RHEB: variants seen among roughly 807,000 people sequenced by gnomAD.
RHEB encodes Ras homolog, mTORC1 binding.
In RHEB, 2 loss-of-function variants were observed where a neutral mutation model predicts 28.8. The ratio of observed to expected loss-of-function variants is 0.07; its 90% CI spans 0.03 to 0.22. The LOEUF (loss-of-function observed/expected upper bound fraction) is 0.22. Ranked by LOEUF, RHEB falls within the 10% of genes least tolerant of loss-of-function variation. The pLI, the probability that RHEB is intolerant of heterozygous loss-of-function variation, is 1.00. For synonymous variants in RHEB, 69 were observed against 77.3 expected (o/e 0.89, Z 0.56); for missense variants, 76 against 219.9 (o/e 0.35, Z 4.14).
In RHEB at chr7:151,472,583, G is replaced by T. The variant is rs1282017500; in HGVS notation, c.276-978C>A. ...TACACCTCTTCTGTTTACCCTAAAT[G>T]ACAAATTTCCTTTCCATTTCTTACC... On this transcript the variant is annotated intron_variant, in intron 4 of 7. Transcript: ENST00000262187. This position sits in a 1 kb window ranked among gnomAD's most constrained non-coding sequence, Gnocchi z 5.2. Among the ~76,000 whole-genome samples, 1 of 152,154 alleles carries T rather than the reference G, an allele frequency of 6.6e-6. No homozygotes were observed. The highest frequency in any genetic ancestry group is 1.5e-5 in the Non-Finnish European group (1 of 68,036).
intron 1 of RHEB, chr7:151,502,656 T>C: frequency 6.2e-7 from 1 of 1,608,970 alleles, no homozygotes; most frequent in African/African-American, 1.3e-5. Flanking sequence ...GTGCACTTTT[T>C]GGCACACTCC....
intron 3 of RHEB, among the ~76,000 whole-genome samples, chr7:151,478,595 T>G (rs1423798628): frequency 1.3e-5 from 2 of 152,098 alleles, no homozygotes; most frequent in Non-Finnish European, 2.9e-5. Flanking sequence ...AAACTACCAG[T>G]TAGAAGGTAT....
At position 151,471,590 on chromosome 7, in the gene RHEB, T is replaced by C. The variant is rs747520707; in HGVS notation, c.291A>G (p.Lys97=). Residue 97 remains lysine (K), a synonymous_variant, in exon 5 of 8, where the codon AAA becomes AAG. Transcript: ENST00000262187. ...VTSIKSFEVI[K]VIHGKLLDMV... is the part of the protein sequence containing the mutation. ...TATCCAACAATTTGCCATGGATAAC[T>C]TTAATCACTTCAAAACTATAAAACA... is the stretch of plus-strand genomic sequence containing the variant. The C allele has an allele frequency of 7.5e-6, 12 of 1,601,622 alleles. No individual in the cohort carries two copies. The highest frequency in any genetic ancestry group is 9.4e-6 in the Non-Finnish European group (11 of 1,171,748).
At chr7:151,514,090 G>C (rs144145108) in intron 1 of RHEB, among the ~76,000 whole-genome samples, 1 of 152,002 alleles carries the variant, frequency 6.6e-6, no homozygotes, top group Non-Finnish European at 1.5e-5. Context: ...TTCTATTGAC[G>C]GTCACTTCAT....
intron 1 of RHEB, among the ~76,000 whole-genome samples, chr7:151,518,361 T>G (rs1803119163): frequency 6.6e-6 from 1 of 152,152 alleles, no homozygotes; most frequent in Non-Finnish European, 1.5e-5. Flanking sequence ...AAGCTTCCCA[T>G]GACAGATAGT....
chr7:151,492,931 C>T (rs1302829547), intron 1 of RHEB, among the ~76,000 whole-genome samples: 2 of 150,054 alleles, frequency 1.3e-5, no homozygotes, highest in Non-Finnish European at 3.0e-5. Context: ...CTCTGCCTCC[C>T]GGGTTGAGGC....
intron 3 of RHEB, among the ~76,000 whole-genome samples, chr7:151,483,206 A>G (rs1054665435): frequency 4.6e-5 from 7 of 152,162 alleles, no homozygotes; most frequent in Non-Finnish European, 8.8e-5. Context: ...ACATCACTCA[A>G]TACAGCTATC....
At chr7:151,502,363 TA>T in intron 1 of RHEB, 1 of 823,140 alleles carries the variant, frequency 1.2e-6, no homozygotes, top group Non-Finnish European at 2.2e-6. Context: ...GAACTGCATC[TA>T]ACATTAAGGC....
intron 7 of RHEB, among the ~76,000 whole-genome samples, chr7:151,469,135 G>T (rs1394026510): frequency 6.6e-6 from 1 of 152,104 alleles, no homozygotes; most frequent in Non-Finnish European, 1.5e-5. Context: ...TTGCTATCTG[G>T]AACTTGGGAA....
intron 3 of RHEB, among the ~76,000 whole-genome samples, chr7:151,478,742 TCTC>T (rs1802320245): frequency 1.3e-5 from 2 of 152,208 alleles, no homozygotes; most frequent in African/African-American, 4.8e-5. Flanking sequence ...TTCAAGCGAT[TCTC>T]CTGCCTCAGC....
intron 7 of RHEB, among the ~76,000 whole-genome samples, chr7:151,469,491 G>C (rs1802121540): frequency 1.4e-5 from 2 of 148,054 alleles, no homozygotes; most frequent in Admixed American, 6.9e-5. Context: ...GGAAGGAAGA[G>C]TGCCAAGGCT....
intron 1 of RHEB, among the ~76,000 whole-genome samples, chr7:151,492,096 C>T (rs1361636272): frequency 6.6e-6 from 1 of 152,188 alleles, no homozygotes; most frequent in East Asian, 1.9e-4. Context: ...TCTCTTGCAT[C>T]CTTGGAGCAT....
intron 3 of RHEB, among the ~76,000 whole-genome samples, chr7:151,481,669 C>A (rs566913497): frequency 6.6e-6 from 1 of 152,318 alleles, no homozygotes; most frequent in Admixed American, 6.5e-5. Context: ...TGTCTCTCAA[C>A]TGTAAATATA....
intron 4 of RHEB, among the ~76,000 whole-genome samples, chr7:151,476,056 T>C (rs1316799349): frequency 6.6e-6 from 1 of 152,188 alleles, no homozygotes; most frequent in Non-Finnish European, 1.5e-5. Flanking sequence ...CACATAATTC[T>C]GGTACTTGGT....
Position 151,476,345 on chromosome 7 carries a change from G to A in RHEB, c.275+988C>T, listed in dbSNP as rs181705877. Among the ~76,000 whole-genome samples, 177 of 152,302 alleles carry A rather than the reference G, an allele frequency of 1.2e-3. 1 individual carries two copies. In the Middle Eastern group the frequency reaches 0.014, roughly 12 times the overall value. ...CACCTGAAATGGGGCTACTGTAACC[G>A]AGGGAGGCTTAATTTTCCATTTTTA... is the stretch of plus-strand genomic sequence containing the variant. On this transcript the variant is annotated intron_variant, in intron 4 of 7. Transcript: ENST00000262187.
chr7:151,483,688 G>A (rs1293812488), intron 3 of RHEB, among the ~76,000 whole-genome samples: 3 of 152,260 alleles, frequency 2.0e-5, no homozygotes, highest in African/African-American at 7.2e-5. Context: ...TCCAGCCTGG[G>A]TGACAGAGCA....
At chr7:151,519,329 C>T (rs1803139401) in intron 1 of RHEB, 131 bp downstream of exon 1, 2 of 563,446 alleles carry the variant, frequency 3.5e-6, no homozygotes, top group Non-Finnish European at 5.0e-6. Context: ...ATGGTGGTTA[C>T]GAAACGCGCG....
chr7:151,507,592 T>A (rs960195779), intron 1 of RHEB, among the ~76,000 whole-genome samples: 1 of 152,182 alleles, frequency 6.6e-6, no homozygotes, highest in African/African-American at 2.4e-5. Flanking sequence ...ACATGAATTA[T>A]CTCGCTTGTT....
At chr7:151,478,372 G>A (rs17713890) in intron 3 of RHEB, among the ~76,000 whole-genome samples, 59,554 of 148,040 alleles carry the variant, frequency 0.4, 13,894 homozygotes, top group South Asian at 0.6. Flanking sequence ...CTGCCCTATG[G>A]TAAAGTTCTT....
Sources: allele counts gnomAD v4.1 joint callset (sites outside exome capture counted in the v4.1 genomes callset), GRCh38; gene constraint gnomAD v4.1.1; non-coding constraint Gnocchi (gnomAD v3.1); transcripts MANE v1.5; gene names NCBI Gene and HGNC (gene_info 2026-07-23, HGNC 2026-07-21).